GRID1: variants seen among roughly 807,000 people sequenced by gnomAD.
GRID1 encodes glutamate receptor ionotropic, delta-1.
GRID1 carries 28 observed loss-of-function variants against 98.0 expected under a neutral mutation model. The ratio of observed to expected loss-of-function variants is 0.29; its 90% CI spans 0.21 to 0.39. The LOEUF (loss-of-function observed/expected upper bound fraction) is 0.39, where lower values mean the gene tolerates loss of function less well. GRID1 is among the 10% of genes least tolerant of loss of function. The pLI, the probability that GRID1 is intolerant of heterozygous loss-of-function variation, is 1.00. For missense variants in GRID1, 1,111 were observed against 1,340.5 expected, an observed-to-expected ratio of 0.83 and a Z score of 2.67; for synonymous variants, 553 against 538.5, an observed-to-expected ratio of 1.03 and a Z score of -0.37.
At chr10:85,756,747 G>A (rs964279079) in intron 8 of GRID1, among the ~76,000 whole-genome samples, 12 of 152,172 alleles carry the variant, frequency 7.9e-5, no homozygotes, top group South Asian at 2.1e-4. Context: ...AACTGAAACC[G>A]CAAATAAGGG....
At chr10:86,035,006 T>C (rs1455712646) in intron 4 of GRID1, among the ~76,000 whole-genome samples, 4 of 152,016 alleles carry the variant, frequency 2.6e-5, no homozygotes, top group African/African-American at 9.7e-5. Context: ...TACAGGTACA[T>C]GGAATCACTG....
intron 4 of GRID1, among the ~76,000 whole-genome samples, chr10:86,062,412 C>G (rs772920511): frequency 6.6e-6 from 1 of 152,116 alleles, no homozygotes; most frequent in Non-Finnish European, 1.5e-5. Flanking sequence ...GGGTCTTCTC[C>G]GGAGGTCCCA....
At chr10:85,892,224 A>T (rs1389523859) in intron 5 of GRID1, among the ~76,000 whole-genome samples, 1 of 151,484 alleles carries the variant, frequency 6.6e-6, no homozygotes, top group Non-Finnish European at 1.5e-5. Context: ...AACAAAAAAA[A>T]AAACAGGAAA....
chr10:85,658,585 G>A lies in GRID1; in HGVS notation c.1998-11188C>T, dbSNP rs986492807. Among the ~76,000 whole-genome samples the A allele has an allele frequency of 2.0e-5, 3 of 152,152 alleles. No individual in the cohort carries two copies. In the East Asian group the frequency reaches 5.8e-4, roughly 29 times the overall value. On this transcript the variant is annotated intron_variant, in intron 12 of 15. Coordinates refer to ENST00000327946, the MANE Select transcript of GRID1 (RefSeq NM_017551.3). ...TAGCTCATAGCTAAGTGAGGAGGGCGAACAGGCACATGGATCATTAGAAAC... is the reference window on the plus strand; with the variant it reads ...TAGCTCATAGCTAAGTGAGGAGGGCAAACAGGCACATGGATCATTAGAAAC...
chr10:85,696,020 G>C (rs1398022593), intron 12 of GRID1, among the ~76,000 whole-genome samples: 1 of 151,998 alleles, frequency 6.6e-6, no homozygotes, highest in African/African-American at 2.4e-5. Context: ...GCTTTATCTT[G>C]AACTATTCTA....
At chr10:85,984,553 G>A (rs1842586563) in intron 4 of GRID1, among the ~76,000 whole-genome samples, 1 of 152,192 alleles carries the variant, frequency 6.6e-6, no homozygotes, top group Non-Finnish European at 1.5e-5. Flanking sequence ...GCTGGGAGAG[G>A]TGGGCAGGAA....
intron 12 of GRID1, among the ~76,000 whole-genome samples, chr10:85,676,734 G>A (rs889785768): frequency 3.3e-5 from 5 of 152,268 alleles, no homozygotes; most frequent in South Asian, 2.1e-4. Flanking sequence ...AAATCCTGGA[G>A]GTCTGACTTG....
At chr10:86,153,461 A>T (rs1845198669) in intron 3 of GRID1, among the ~76,000 whole-genome samples, 1 of 152,230 alleles carries the variant, frequency 6.6e-6, no homozygotes, top group Admixed American at 6.5e-5. Flanking sequence ...TCATTCCCTA[A>T]TTATTTTGCT....
At chr10:85,606,613 T>C (rs962158101) in intron 15 of GRID1, 2 of 152,118 alleles carry the variant, frequency 1.3e-5, no homozygotes, top group African/African-American at 4.8e-5. Context: ...AGAGCTGAGG[T>C]GCGCAGGACA....
chr10:85,621,759 C>A (rs1053995358), intron 13 of GRID1, among the ~76,000 whole-genome samples: 2 of 152,178 alleles, frequency 1.3e-5, no homozygotes, highest in Non-Finnish European at 2.9e-5. Flanking sequence ...CTCTCTCCTT[C>A]CTTGTAGGAA....
At chr10:85,999,651 T>C (rs181594816) in intron 4 of GRID1, among the ~76,000 whole-genome samples, 8 of 152,312 alleles carry the variant, frequency 5.3e-5, no homozygotes, top group Middle Eastern at 3.4e-3. Context: ...AAGAAATGCA[T>C]GACTAACTCA....
intron 13 of GRID1, among the ~76,000 whole-genome samples, chr10:85,623,522 C>T (rs751629007): frequency 6.6e-6 from 1 of 152,220 alleles, no homozygotes; most frequent in African/African-American, 2.4e-5. Flanking sequence ...ACAGGTCTGG[C>T]TTCCCCACTA....
At chr10:86,300,199 A>T (rs1847661562) in intron 2 of GRID1, among the ~76,000 whole-genome samples, 1 of 152,016 alleles carries the variant, frequency 6.6e-6, no homozygotes, top group Admixed American at 6.6e-5. Context: ...GCACACCAGA[A>T]GCCACAGAAG....
At chr10:85,824,273 G>A (rs1482996007) in intron 8 of GRID1, among the ~76,000 whole-genome samples, 3 of 152,130 alleles carry the variant, frequency 2.0e-5, no homozygotes, top group Non-Finnish European at 4.4e-5. Context: ...GTGCAGTGGT[G>A]CGATCTTGGC....
At chr10:86,224,064 A>G (rs1846302367) in intron 2 of GRID1, among the ~76,000 whole-genome samples, 1 of 152,218 alleles carries the variant, frequency 6.6e-6, no homozygotes. Flanking sequence ...GAAAGAAGGA[A>G]AACCTTCCTG....
chr10:86,212,176 C>T (rs1846116238), intron 2 of GRID1, among the ~76,000 whole-genome samples: 1 of 152,152 alleles, frequency 6.6e-6, no homozygotes, highest in Non-Finnish European at 1.5e-5. Flanking sequence ...TAGAAGAGAC[C>T]CACGGTTCCT....
intron 2 of GRID1, among the ~76,000 whole-genome samples, chr10:86,246,584 C>T (rs1181483838): frequency 6.6e-6 from 1 of 152,186 alleles, no homozygotes; most frequent in East Asian, 1.9e-4. Context: ...CATTCCCTAC[C>T]ATTAACCCGG....
intron 2 of GRID1, among the ~76,000 whole-genome samples, chr10:86,350,858 AC>A (rs1228843925): frequency 2.0e-5 from 3 of 152,074 alleles, no homozygotes; most frequent in Non-Finnish European, 4.4e-5. Context: ...AATTATAGTC[AC>A]CCTGCAGTGC....
intron 3 of GRID1, among the ~76,000 whole-genome samples, chr10:86,188,357 T>C (rs940526190): frequency 2.6e-5 from 4 of 152,298 alleles, no homozygotes; most frequent in Admixed American, 2.6e-4. Context: ...AGGGACCAGC[T>C]CATTCCCCAA....
Sources: allele counts gnomAD v4.1 joint callset (sites outside exome capture counted in the v4.1 genomes callset), GRCh38; gene constraint gnomAD v4.1.1; transcripts MANE v1.5; gene names NCBI Gene and HGNC (gene_info 2026-07-23, HGNC 2026-07-21).